COQ8B: variants seen among roughly 807,000 people sequenced by gnomAD.
The protein encoded by COQ8B is coenzyme Q8B, also known as atypical kinase COQ8B, mitochondrial.
COQ8B carries 44 observed loss-of-function variants against 62.0 expected under a neutral mutation model. The ratio of observed to expected loss-of-function variants is 0.71; its 90% confidence interval spans 0.56 to 0.91. COQ8B has a LOEUF of 0.91. COQ8B is among the 40% of genes least tolerant of loss of function. COQ8B has a pLI of 0.00. For synonymous variants in COQ8B, 252 were observed against 289.9 expected, an observed-to-expected ratio of 0.87 and a Z score of 1.33; for missense variants, 649 against 731.6, an observed-to-expected ratio of 0.89 and a Z score of 1.30.
At chr19:40,714,989 C>T (rs2082174116) in intron 1 of COQ8B, 1 of 1,028,724 alleles carries the variant, frequency 9.7e-7, no homozygotes, top group South Asian at 3.7e-5. Flanking sequence ...ACCCGCAATT[C>T]CTCCGGTGTC....
rs1446456574 is a variant in COQ8B, at chr19:40,700,433, G to T, written c.912C>A (p.Asp304Glu). 6.2e-7 allele frequency: 1 copy of T among 1,613,688 alleles called. No homozygotes were observed. The highest frequency in any genetic ancestry group is 2.2e-5 in the East Asian group (1 of 44,880). ...CCACGGCTGGGACCCGGAAGAAGGG[G>T]TCATTTGCCAGCAGCTGCCTGGGGC... is the stretch of plus-strand genomic sequence containing the variant. Reference protein sequence around the residue: ...AQNFRQLLANDPFFRVPAVVK... With the variant: ...AQNFRQLLANEPFFRVPAVVK... The change falls in exon 11 of 15, where the codon GAC becomes GAA. Residue 304 changes from aspartate (D) to glutamate (E), a missense_variant. Transcript: ENST00000324464.
chr19:40,707,605 C>G (rs2082110539), intron 5 of COQ8B, among the ~76,000 whole-genome samples: 1 of 152,126 alleles, frequency 6.6e-6, no homozygotes, highest in Admixed American at 6.6e-5. Flanking sequence ...AGGCACCCAC[C>G]ACCACATCCA....
intron 4 of COQ8B, 106 bp from the exon 5 acceptor site, chr19:40,710,242 TTTTTA>T (rs746776988): frequency 1.6e-5 from 17 of 1,055,428 alleles, no homozygotes; most frequent in Non-Finnish European, 2.4e-5. Flanking sequence ...CTCCCAACTC[TTTTTA>T]TTTTTTCTTT....
intron 4 of COQ8B, 122 bp downstream of exon 4, chr19:40,713,945 T>G: frequency 9.2e-7 from 1 of 1,087,060 alleles, no homozygotes. Flanking sequence ...CCCTTGCCTT[T>G]GTCTCTCTTT....
intron 12 of COQ8B, among the ~76,000 whole-genome samples, chr19:40,697,271 C>T (rs1355414323): frequency 6.6e-6 from 1 of 152,116 alleles, no homozygotes; most frequent in African/African-American, 2.4e-5. Context: ...CCCACCACAC[C>T]TGGCTAAGTT....
intron 7 of COQ8B, chr19:40,704,072 C>T: frequency 3.6e-6 from 2 of 561,610 alleles, no homozygotes; most frequent in South Asian, 2.5e-5. Context: ...CTCAGCCTAG[C>T]CTGTGTCCCC....
intron 5 of COQ8B, 73 bp from the exon 6 acceptor site, chr19:40,705,520 T>C: frequency 6.9e-7 from 1 of 1,457,438 alleles, no homozygotes; most frequent in Non-Finnish European, 9.1e-7. Flanking sequence ...GGCCCACGCC[T>C]GTAATCCCAG....
chr19:40,700,445 C>T lies in COQ8B; in HGVS notation c.900G>A (p.Leu300=), dbSNP rs936723454. The part of the protein sequence containing the change: ...EAACAQNFRQ[L]LANDPFFRVP... Reference sequence around the variant, plus strand: ...CCCGGAAGAAGGGGTCATTTGCCAGCAGCTGCCTGGGGCAGAAGGAAAGGG... The same window carrying T: ...CCCGGAAGAAGGGGTCATTTGCCAGTAGCTGCCTGGGGCAGAAGGAAAGGG... The change falls in exon 11 of 15, where the codon CTG becomes CTA. Residue 300 remains leucine (L), a synonymous_variant. Coordinates refer to ENST00000324464, the MANE Select transcript of COQ8B (RefSeq NM_024876.4). 3.1e-6 allele frequency: 5 copies of T among 1,613,166 alleles called. No homozygotes were observed. The highest frequency in any genetic ancestry group is 2.2e-5 in the East Asian group (1 of 44,872).
At chr19:40,713,128 G>A (rs921952041) in intron 4 of COQ8B, among the ~76,000 whole-genome samples, 1 of 152,212 alleles carries the variant, frequency 6.6e-6, no homozygotes, top group Non-Finnish European at 1.5e-5. Flanking sequence ...TTGGGAGGCC[G>A]AAGTGGGTGG....
rs992937993 is a variant in COQ8B at position 40,703,672 on chromosome 19, T to C, written c.717+43A>G. On this transcript the variant is annotated intron_variant, in intron 8 of 14. Transcript: ENST00000324464. ...GAAGGTGGGAGTCACTTCTCTGGGCTAGCAGGGTGCCCGCCCCTACCCTGC... is the reference window on the plus strand; with the variant it reads ...GAAGGTGGGAGTCACTTCTCTGGGCCAGCAGGGTGCCCGCCCCTACCCTGC... The C allele has an allele frequency of 1.9e-6, 3 of 1,613,746 alleles. No homozygotes were observed. The East Asian group carries it at 6.7e-5, about 36-fold the overall frequency.
At chr19:40,703,679 G>T (rs555932435) in intron 8 of COQ8B, 36 bp downstream of exon 8, 2 of 1,613,916 alleles carry the variant, frequency 1.2e-6, no homozygotes, top group South Asian at 2.2e-5. Flanking sequence ...GGCTAGCAGG[G>T]TGCCCGCCCC....
intron 1 of COQ8B, chr19:40,715,464 C>T (rs2082178731): frequency 1.0e-6 from 1 of 985,574 alleles, no homozygotes; most frequent in Admixed American, 6.1e-5. Flanking sequence ...AGGCTCAACA[C>T]AATTCCTTTG....
intron 1 of COQ8B, chr19:40,715,542 C>T: frequency 1.0e-6 from 1 of 985,620 alleles, no homozygotes; most frequent in Non-Finnish European, 1.2e-6. Flanking sequence ...CAAACACCCA[C>T]ATTCTGGCAC....
intron 1 of COQ8B, chr19:40,715,454 A>T: frequency 1.0e-6 from 1 of 985,522 alleles, no homozygotes; most frequent in Non-Finnish European, 1.2e-6. Context: ...TACCCCTGGC[A>T]GGCTCAACAC....
Position 40,702,682 on chromosome 19 carries a change from C to T in COQ8B, c.811G>A (p.Glu271Lys), listed in dbSNP as rs1292210350. 5 of 1,608,792 alleles carry T rather than the reference C, an allele frequency of 3.1e-6. No individual in the cohort carries two copies. Among genetic ancestry groups the T allele is most frequent in the East Asian group, 4.5e-5 (2 of 44,872 alleles). Residue 271 changes from glutamate (E) to lysine (K), a missense_variant, in exon 10 of 15, where the codon GAG becomes AAG. Glu to Lys is a moderately conservative substitution (Grantham distance 56). Coordinates refer to ENST00000324464, the MANE Select transcript of COQ8B (RefSeq NM_024876.4). ...TGCTGCAAGGCCTGCAGGCTCTGCTCGGCAAACAGGCCTGTGGGGGAGGTG... is the reference window on the plus strand; with the variant it reads ...TGCTGCAAGGCCTGCAGGCTCTGCTTGGCAAACAGGCCTGTGGGGGAGGTG... ...SAALPAGLFA[E>K]QSLQALQQEL... is the part of the protein sequence containing the mutation.
chr19:40,703,427 G>A (rs1408498483), intron 9 of COQ8B, 114 bp downstream of exon 9: 16 of 1,108,392 alleles, frequency 1.4e-5, no homozygotes, highest in African/African-American at 1.6e-5. Flanking sequence ...TGACACTCCC[G>A]CTCACAACGC....
At chr19:40,709,934 G>T (rs2082128091) in intron 5 of COQ8B, 125 bp downstream of exon 5, 1 of 882,348 alleles carries the variant, frequency 1.1e-6, no homozygotes, top group South Asian at 1.6e-5. Flanking sequence ...GACTCTAAGA[G>T]GTGGGTAAAT....
At chr19:40,715,723 C>T (rs550531867) in intron 1 of COQ8B, 1 of 605,984 alleles carries the variant, frequency 1.7e-6, no homozygotes, top group African/African-American at 2.0e-5. Context: ...AATGGTGCGA[C>T]TGGGAGCCCT....
At chr19:40,714,216 C>T in intron 3 of COQ8B, 62 bp downstream of exon 3, 3 of 1,606,604 alleles carry the variant, frequency 1.9e-6, no homozygotes, top group Non-Finnish European at 2.6e-6. Context: ...CACACCCTTC[C>T]CCAAGCTCAG....
Sources: gnomAD v4.1 joint callset for allele counts (sites outside exome capture counted in the v4.1 genomes callset) on GRCh38, gnomAD v4.1.1 for gene constraint, MANE v1.5 for transcripts, NCBI Gene and HGNC (gene_info 2026-07-23, HGNC 2026-07-21) for gene names.